FRAS1: variants seen among roughly 807,000 people sequenced by gnomAD.
The protein encoded by FRAS1 is extracellular matrix organizing protein FRAS1.
In FRAS1, 290 loss-of-function variants were observed where a neutral mutation model predicts 435.2. That is an observed-to-expected ratio of 0.67 (90% CI 0.61 to 0.73). FRAS1 has a LOEUF of 0.73. FRAS1 is among the 30% of genes least tolerant of loss of function. FRAS1 has a pLI of 0.00. For synonymous variants in FRAS1, 1,800 were observed against 1,851.0 expected (o/e 0.97, Z 0.71); for missense variants, 4,860 against 5,001.5 (o/e 0.97, Z 0.85).
chr4:78,448,588 C>T (rs1718926735), intron 44 of FRAS1, among the ~76,000 whole-genome samples: 1 of 152,088 alleles, frequency 6.6e-6, no homozygotes, highest in Admixed American at 6.6e-5. Context: ...TTCCAGGGCC[C>T]TCAAAAATCT....
intron 9 of FRAS1, among the ~76,000 whole-genome samples, chr4:78,275,143 C>G (rs1014886986): frequency 2.6e-5 from 4 of 152,088 alleles, no homozygotes; most frequent in East Asian, 1.9e-4. Context: ...CAACCTCTGC[C>G]TTTTTTTGTT....
At chr4:78,172,245 G>T (rs10518195) in intron 2 of FRAS1, among the ~76,000 whole-genome samples, 1 of 151,984 alleles carries the variant, frequency 6.6e-6, no homozygotes, top group Non-Finnish European at 1.5e-5. Context: ...GTGCACCAAC[G>T]ATAGTGAAAG....
Position 78,464,569 on chromosome 4 carries a change from G to C in FRAS1, c.7015G>C (p.Asp2339His), listed in dbSNP as rs1437922596. 1.4e-5 allele frequency: 22 copies of C among 1,613,694 alleles called. No individual in the cohort carries two copies. Among genetic ancestry groups the C allele is most frequent in the Middle Eastern group, 3.3e-4 (2 of 6,068 alleles). The change falls in exon 49 of 74, where the codon GAT (aspartate) becomes CAT (histidine). Residue 2339 changes from aspartate (D) to histidine (H), a missense_variant. Coordinates refer to ENST00000512123, the MANE Select transcript of FRAS1 (RefSeq NM_025074.7). ...CACAGAGTTTGAGCTTAAGGCGGTG[G>C]ATGCTGACACAGAGGTAAGAGCACT... is the stretch of plus-strand genomic sequence containing the variant. ...TITEFELKAV[D>H]ADTEAESVTF...
intron 14 of FRAS1, among the ~76,000 whole-genome samples, chr4:78,293,584 A>C (rs1728005225): frequency 6.6e-6 from 1 of 152,180 alleles, no homozygotes; most frequent in African/African-American, 2.4e-5. Flanking sequence ...TGTGACTTAT[A>C]AAATCAACTG....
At chr4:78,463,562 C>T (rs1324592744) in intron 47 of FRAS1, among the ~76,000 whole-genome samples, 1 of 152,108 alleles carries the variant, frequency 6.6e-6, no homozygotes, top group Admixed American at 6.5e-5. Flanking sequence ...ATCACAGAAA[C>T]AAGGCTGTGT....
Position 78,171,598 on chromosome 4 carries a change from TC to T in FRAS1, c.109-65909del, listed in dbSNP as rs1721562571. Among the ~76,000 whole-genome samples, 4 of 152,216 alleles carry T rather than the reference TC, an allele frequency of 2.6e-5. No individual in the cohort carries two copies. The South Asian group carries it at 8.3e-4, about 32-fold the overall frequency. On this transcript the variant is annotated intron_variant, in intron 2 of 73. Coordinates refer to ENST00000512123, the MANE Select transcript of FRAS1 (RefSeq NM_025074.7). The stretch of plus-strand genomic sequence containing the variant: ...AATGCTTTACAGCTTCCACGGGGAC[TC>T]CCTTTGTAGCTTCTCTTACCACTCT...
chr4:78,451,863 T>G lies in FRAS1; in HGVS notation c.6555T>G (p.Ile2185Met). 6.2e-7 allele frequency: 1 copy of G among 1,612,848 alleles called. No homozygotes were observed. Among genetic ancestry groups the G allele is most frequent in the South Asian group, 1.1e-5 (1 of 90,732 alleles). The change falls in exon 46 of 74, where the codon ATT (isoleucine) becomes ATG (methionine). Residue 2185 changes from isoleucine to methionine, a missense_variant. Transcript: ENST00000512123. ...TTGATGGAGAAGGCAACAGATTGATTGACAAGTCATTTTCCATCAGCATTC... is the reference window on the plus strand; with the variant it reads ...TTGATGGAGAAGGCAACAGATTGATGGACAAGTCATTTTCCATCAGCATTC... ...DVVDGEGNRL[I>M]DKSFSISILE...
chr4:78,300,928 C>T (rs894610390), intron 14 of FRAS1, among the ~76,000 whole-genome samples: 1 of 152,176 alleles, frequency 6.6e-6, no homozygotes, highest in Non-Finnish European at 1.5e-5. Flanking sequence ...CCCACCACCC[C>T]CACCACTGTT....
chr4:78,120,215 C>T (rs908194679), intron 2 of FRAS1, among the ~76,000 whole-genome samples: 14 of 152,006 alleles, frequency 9.2e-5, no homozygotes, highest in Non-Finnish European at 1.8e-4. Flanking sequence ...AATAGTTTTC[C>T]CTATAAATAA....
rs149542263 is a variant in FRAS1 at position 78,460,594 on chromosome 4, C to T, written c.6764-3427C>T. 2.2e-4 allele frequency among the ~76,000 whole-genome samples: 33 copies of T among 152,276 alleles called. No individual in the cohort carries two copies. The East Asian group carries it at 6.0e-3, about 28-fold the overall frequency. On this transcript the variant is annotated intron_variant, in intron 47 of 73. Transcript: ENST00000512123. The stretch of plus-strand genomic sequence containing the variant: ...CAATTCTGAGAAATGCATTGTCAGG[C>T]GGTTTCATTATTTTGTGAACATCAC...
intron 29 of FRAS1, among the ~76,000 whole-genome samples, chr4:78,389,151 A>G (rs1732346815): frequency 6.6e-6 from 1 of 152,260 alleles, no homozygotes; most frequent in East Asian, 1.9e-4. Flanking sequence ...AGGGACACGA[A>G]AAACATTTTC....
intron 2 of FRAS1, among the ~76,000 whole-genome samples, chr4:78,170,640 C>A (rs1560561455): frequency 6.6e-6 from 1 of 152,024 alleles, no homozygotes; most frequent in Non-Finnish European, 1.5e-5. Context: ...GGGATTTCAC[C>A]AAGGATTAAA....
At chr4:78,105,755 C>T (rs565048045) in intron 2 of FRAS1, among the ~76,000 whole-genome samples, 9 of 151,870 alleles carry the variant, frequency 5.9e-5, no homozygotes, top group East Asian at 3.9e-4. Context: ...CCAAGATGGC[C>T]GAATAGGAAC....
intron 2 of FRAS1, among the ~76,000 whole-genome samples, chr4:78,176,327 T>C (rs1463977047): frequency 6.6e-6 from 1 of 152,224 alleles, no homozygotes; most frequent in Admixed American, 6.5e-5. Context: ...CCTTTTAAAG[T>C]GCCTGCAGTA....
At chr4:78,094,040 C>T (rs139288899) in intron 2 of FRAS1, among the ~76,000 whole-genome samples, 1 of 151,686 alleles carries the variant, frequency 6.6e-6, no homozygotes, top group East Asian at 1.9e-4. Context: ...CTGGAAATCA[C>T]CGTGCAGTTA....
rs749358631 is a variant in FRAS1 at position 78,508,818 on chromosome 4, T to C, written c.9592T>C (p.Cys3198Arg). The change falls in exon 63 of 74, where the codon TGT (cysteine) becomes CGT (arginine). Residue 3198 changes from cysteine (C) to arginine (R), a missense_variant. Cys to Arg is a radical substitution (Grantham distance 180, BLOSUM62 -3). Coordinates refer to ENST00000512123, the MANE Select transcript of FRAS1 (RefSeq NM_025074.7). ...KSPSPGYPLV[C>R]VTPCDPHFPR... is the part of the protein sequence containing the mutation. ...CCCCTCCCCAGGCTACCCACTGGTC[T>C]GTGTCACCCCCTGCGACCCTCATTT... 2 of 1,613,774 alleles carry C rather than the reference T, an allele frequency of 1.2e-6. No homozygotes were observed. Among genetic ancestry groups the C allele is most frequent in the Non-Finnish European group, 1.7e-6 (2 of 1,179,806 alleles).
chr4:78,319,432 A>G, intron 18 of FRAS1: 1 of 456,976 alleles, frequency 2.2e-6, no homozygotes, highest in South Asian at 1.5e-5. Context: ...TCTACAGAGA[A>G]TTGATGACAT....
At chr4:78,215,232 T>C (rs980656183) in intron 2 of FRAS1, among the ~76,000 whole-genome samples, 1 of 152,080 alleles carries the variant, frequency 6.6e-6, no homozygotes, top group Non-Finnish European at 1.5e-5. Flanking sequence ...AGTCTTGCTC[T>C]GTCGCCAGGC....
intron 18 of FRAS1, among the ~76,000 whole-genome samples, chr4:78,326,951 G>C (rs1729742935): frequency 6.6e-6 from 1 of 152,166 alleles, no homozygotes; most frequent in Admixed American, 6.6e-5. Flanking sequence ...GACTGTGATA[G>C]GCACTGCAGG....
Sources: gnomAD v4.1 joint callset for allele counts (sites outside exome capture counted in the v4.1 genomes callset) on GRCh38, gnomAD v4.1.1 for gene constraint, MANE v1.5 for transcripts, NCBI Gene and HGNC (gene_info 2026-07-23, HGNC 2026-07-21) for gene names.